NFIA: variants seen among roughly 807,000 people sequenced by gnomAD.
NFIA encodes nuclear factor 1 A-type.
NFIA carries 8 observed loss-of-function variants against 62.8 expected under a neutral mutation model. The observed-to-expected ratio is 0.13, with a 90% CI of 0.07 to 0.23. The LOEUF (loss-of-function observed/expected upper bound fraction) is 0.23, where lower values mean the gene tolerates loss of function less well. Ranked by LOEUF, NFIA falls within the 10% of genes least tolerant of loss-of-function variation. The pLI is 1.00. For synonymous variants in NFIA, 235 were observed against 238.1 expected, an observed-to-expected ratio of 0.99 and a Z score of 0.12; for missense variants, 410 against 642.1, an observed-to-expected ratio of 0.64 and a Z score of 3.91.
intron 2 of NFIA, among the ~76,000 whole-genome samples, chr1:61,104,255 G>A (rs1271041820): frequency 6.6e-6 from 1 of 152,038 alleles, no homozygotes; most frequent in Non-Finnish European, 1.5e-5. Context: ...TGCAGGAAAA[G>A]GGCCTGTCAG....
At chr1:61,393,284 T>C (rs868480535) in intron 7 of NFIA, among the ~76,000 whole-genome samples, 3 of 65,282 alleles carry the variant, frequency 4.6e-5, no homozygotes, top group Non-Finnish European at 7.6e-5. Context: ...TCTCTCTCTC[T>C]CTCTCTCCCT....
intron 2 of NFIA, among the ~76,000 whole-genome samples, chr1:61,127,960 C>T (rs1257707754): frequency 6.6e-6 from 1 of 152,082 alleles, no homozygotes; most frequent in Non-Finnish European, 1.5e-5. Flanking sequence ...CCCAGTAGAC[C>T]GGGAGCTCCT....
chr1:61,435,600 T>G (rs1313770579), intron 10 of NFIA, among the ~76,000 whole-genome samples: 2 of 152,182 alleles, frequency 1.3e-5, no homozygotes, highest in Non-Finnish European at 2.9e-5. Context: ...CTGCTATTCC[T>G]CCTGTGCACC....
chr1:61,110,330 A>G (rs112427893), intron 2 of NFIA, among the ~76,000 whole-genome samples: 7 of 151,800 alleles, frequency 4.6e-5, no homozygotes, highest in African/African-American at 1.5e-4. Context: ...CGAGGGGTAA[A>G]GGTATCATTT....
chr1:61,285,361 T>C (rs1658419569), intron 3 of NFIA, among the ~76,000 whole-genome samples: 1 of 152,220 alleles, frequency 6.6e-6, no homozygotes, highest in Admixed American at 6.5e-5. Context: ...TGCTTTTAAA[T>C]TTGAATGTGA....
At chr1:61,178,580 C>T (rs753316643) in intron 2 of NFIA, among the ~76,000 whole-genome samples, 3 of 152,164 alleles carry the variant, frequency 2.0e-5, no homozygotes, top group Non-Finnish European at 4.4e-5. Context: ...CGTGTATCTC[C>T]AGTGTTTGCC....
At chr1:61,446,136 A>G (rs1207977545) in intron 10 of NFIA, among the ~76,000 whole-genome samples, 1 of 152,202 alleles carries the variant, frequency 6.6e-6, no homozygotes, top group African/African-American at 2.4e-5. Context: ...AGATCTGGTG[A>G]AGTTCAGGCC....
Position 61,375,115 on chromosome 1 carries a change from C to G in NFIA, c.947-8122C>G, listed in dbSNP as rs577695756. Among the ~76,000 whole-genome samples the G allele has an allele frequency of 8.5e-5, 13 of 152,290 alleles. No individual in the cohort carries two copies. The East Asian group carries it at 2.5e-3, about 29-fold the overall frequency. On this transcript the variant is annotated intron_variant, in intron 6 of 10. Coordinates refer to ENST00000403491, the MANE Select transcript of NFIA (RefSeq NM_001134673.4). ...ATTTGGCATCATGGTTAGAGATAAT[C>G]TAATTACAAGGTATACTTTAAATGG...
At chr1:61,103,854 T>C (rs578239322) in intron 2 of NFIA, among the ~76,000 whole-genome samples, 3 of 152,294 alleles carry the variant, frequency 2.0e-5, no homozygotes, top group African/African-American at 7.2e-5. Context: ...CCAAAGGAAT[T>C]ATTGACATGT....
intron 3 of NFIA, among the ~76,000 whole-genome samples, chr1:61,303,277 G>A (rs2100333452): frequency 6.6e-6 from 1 of 152,264 alleles, no homozygotes; most frequent in Admixed American, 6.5e-5. Flanking sequence ...AGATACCTTG[G>A]TAGTTGCACA....
At position 61,404,109 on chromosome 1, in the gene NFIA, C is replaced by G. The variant is rs775304844; in HGVS notation, c.1081C>G (p.Pro361Ala). Residue 361 changes from proline (P) to alanine (A), a missense_variant, in exon 8 of 11, where the codon CCG becomes GCG. Physicochemically the swap from Pro to Ala is conservative, Grantham distance 27 (BLOSUM62 -1). Around this residue, in one of 3 missense-constraint regions of NFIA, gnomAD observed 298 missense variants for 438.1 expected, o/e 0.68. Coordinates refer to ENST00000403491, the MANE Select transcript of NFIA (RefSeq NM_001134673.4). Reference sequence around the variant, plus strand: ...GATGTTTTCTTTTCCTGCAGCAAGTCCGCATGCAACACCATCGACTCTTCA... The same window carrying G: ...GATGTTTTCTTTTCCTGCAGCAAGTGCGCATGCAACACCATCGACTCTTCA... ...RPVITGPRAS[P>A]HATPSTLHFP... 2 of 1,614,008 alleles carry G rather than the reference C, an allele frequency of 1.2e-6. No homozygotes were observed. Among genetic ancestry groups the G allele is most frequent in the South Asian group, 2.2e-5 (2 of 91,036 alleles).
intron 2 of NFIA, among the ~76,000 whole-genome samples, chr1:61,093,203 C>A (rs1421073587): frequency 6.6e-6 from 1 of 152,032 alleles, no homozygotes; most frequent in Non-Finnish European, 1.5e-5. Flanking sequence ...ACATTCAAAT[C>A]TAGGACTATA....
chr1:61,162,242 T>A (rs1177424861), intron 2 of NFIA, among the ~76,000 whole-genome samples: 1 of 152,142 alleles, frequency 6.6e-6, no homozygotes, highest in Admixed American at 6.5e-5. Context: ...CCTGGGAAGC[T>A]TGTTACATGC....
Position 61,406,546 on chromosome 1 carries a change from C to CCT in NFIA, c.1255-15_1255-14insTC. ...TTTTCTTGTACGTGTGTTTTCTGCC[C>CCT]CCCCCCCCCCCACAGCCCAATGGGA... On this transcript the variant is annotated splice_polypyrimidine_tract_variant and intron_variant, in intron 8 of 10. Transcript: ENST00000403491. 1 of 581,974 alleles carries CCT rather than the reference C, an allele frequency of 1.7e-6. No individual in the cohort carries two copies. The highest frequency in any genetic ancestry group is 2.5e-6 in the Non-Finnish European group (1 of 401,120). 36.1% of individuals were successfully genotyped at this position (581,974 alleles called of 1,614,324 possible).
At chr1:61,126,103 A>G (rs1197580533) in intron 2 of NFIA, among the ~76,000 whole-genome samples, 1 of 152,138 alleles carries the variant, frequency 6.6e-6, no homozygotes, top group Admixed American at 6.5e-5. Context: ...GTGTCACGAA[A>G]CTTGCTTCAG....
chr1:61,314,419 T>C (rs528356281), intron 3 of NFIA, among the ~76,000 whole-genome samples: 8 of 152,322 alleles, frequency 5.3e-5, no homozygotes, highest in Non-Finnish European at 1.0e-4. Context: ...TTAATTAACT[T>C]GCTTAAGGTC....
chr1:61,254,109 G>A (rs949526425), intron 2 of NFIA, among the ~76,000 whole-genome samples: 35 of 152,164 alleles, frequency 2.3e-4, no homozygotes, highest in Admixed American at 2.3e-3. Context: ...TGTTTTGTGT[G>A]TTCCATCTTA....
At chr1:61,387,478 T>TTTGTTTG (rs1553180853) in intron 7 of NFIA, among the ~76,000 whole-genome samples, 28,692 of 142,710 alleles carry the variant, frequency 0.2, 2,911 homozygotes, top group South Asian at 0.31. Context: ...CTTTTTTTTT[T>TTTGTTTG]TTTTTTTTTT....
At chr1:61,197,529 A>G (rs1030585432) in intron 2 of NFIA, among the ~76,000 whole-genome samples, 1 of 150,728 alleles carries the variant, frequency 6.6e-6, no homozygotes, top group African/African-American at 2.4e-5. Flanking sequence ...GAGCCACCGC[A>G]CCCGGCCACT....
Sources: gnomAD v4.1 joint callset for allele counts (sites outside exome capture counted in the v4.1 genomes callset) on GRCh38, gnomAD v4.1.1 for gene constraint, gnomAD v4.1.1 regional missense constraint, MANE v1.5 for transcripts, NCBI Gene and HGNC (gene_info 2026-07-23, HGNC 2026-07-21) for gene names.